The following PDE3A variants were observed in gnomAD, a reference collection of about 807,000 sequenced individuals.
The protein encoded by PDE3A is cGMP-inhibited 3',5'-cyclic phosphodiesterase 3A.
In PDE3A, 43 loss-of-function variants were observed where a neutral mutation model predicts 98.3. That is an observed-to-expected ratio of 0.44 (90% CI 0.34 to 0.56). The LOEUF (loss-of-function observed/expected upper bound fraction) is 0.56, where lower values mean the gene tolerates loss of function less well. PDE3A is among the 20% of genes least tolerant of loss of function. The pLI is 0.01. For missense variants in PDE3A, 1,427 were observed against 1,440.7 expected, an observed-to-expected ratio of 0.99 and a Z score of 0.15; for synonymous variants, 663 against 567.9, an observed-to-expected ratio of 1.17 and a Z score of -2.38.
chr12:20,658,794 C>G (rs960272747), intron 15 of PDE3A, among the ~76,000 whole-genome samples: 1 of 151,972 alleles, frequency 6.6e-6, no homozygotes, highest in Non-Finnish European at 1.5e-5. Context: ...TGTAAGACTG[C>G]AAAGCTAATT....
chr12:20,666,758 T>C (rs1945324583), intron 15 of PDE3A, among the ~76,000 whole-genome samples: 1 of 152,210 alleles, frequency 6.6e-6, no homozygotes, highest in African/African-American at 2.4e-5. Context: ...AATTATCTTT[T>C]TAATATACTA....
In PDE3A at chr12:20,554,949, C is replaced by T. The variant is rs563459515; in HGVS notation, c.961-1711C>T. 8.5e-5 allele frequency among the ~76,000 whole-genome samples: 13 copies of T among 152,260 alleles called. No homozygotes were observed. The East Asian group carries it at 2.3e-3, about 27-fold the overall frequency. ...TGCATTTTTAATGCTAAACCATTATCCCCAAATTTGGTTAAGTTTTATAAT... is the reference window on the plus strand; with the variant it reads ...TGCATTTTTAATGCTAAACCATTATTCCCAAATTTGGTTAAGTTTTATAAT... On this transcript the variant is annotated intron_variant, in intron 1 of 15. Transcript: ENST00000359062.
At chr12:20,673,615 C>T (rs1363184902) in intron 15 of PDE3A, among the ~76,000 whole-genome samples, 3 of 150,228 alleles carry the variant, frequency 2.0e-5, no homozygotes, top group Admixed American at 1.3e-4. Flanking sequence ...AAACCAAAGA[C>T]CGCATATTCT....
intron 1 of PDE3A, among the ~76,000 whole-genome samples, chr12:20,372,246 C>A (rs1943488626): frequency 6.6e-6 from 1 of 152,044 alleles, no homozygotes; most frequent in Admixed American, 6.5e-5. Flanking sequence ...TTGGAAAATG[C>A]ATAATCGCAA....
At chr12:20,414,132 T>C (rs1372220913) in intron 1 of PDE3A, among the ~76,000 whole-genome samples, 1 of 152,250 alleles carries the variant, frequency 6.6e-6, no homozygotes, top group Non-Finnish European at 1.5e-5. Context: ...TTATTGTATG[T>C]TAATATATAG....
intron 1 of PDE3A, among the ~76,000 whole-genome samples, chr12:20,385,691 A>G (rs1476453067): frequency 6.6e-6 from 1 of 151,382 alleles, no homozygotes; most frequent in African/African-American, 2.4e-5. Flanking sequence ...TCGCAAGGAC[A>G]AAAAAACAAA....
At chr12:20,458,233 C>T (rs1945186344) in intron 1 of PDE3A, among the ~76,000 whole-genome samples, 2 of 152,006 alleles carry the variant, frequency 1.3e-5, no homozygotes, top group South Asian at 2.1e-4. Flanking sequence ...TCCTGAAAGT[C>T]CTACTATTGA....
rs571561268 is a variant in PDE3A, at chr12:20,611,574, A to G, written c.1012-1869A>G. The stretch of plus-strand genomic sequence containing the variant: ...GAAAGTAATAATAGTACTTACTAAT[A>G]CTTTGTAGACTTGTGGTTAATATAT... On this transcript the variant is annotated intron_variant, in intron 2 of 15. Coordinates refer to ENST00000359062, the MANE Select transcript of PDE3A (RefSeq NM_000921.5). Among the ~76,000 whole-genome samples, 5 of 151,988 alleles carry G rather than the reference A, an allele frequency of 3.3e-5. No individual in the cohort carries two copies. In the South Asian group the frequency reaches 8.3e-4, roughly 25 times the overall value.
chr12:20,403,269 C>G (rs1817699223), intron 1 of PDE3A, among the ~76,000 whole-genome samples: 1 of 152,178 alleles, frequency 6.6e-6, no homozygotes, highest in Non-Finnish European at 1.5e-5. Flanking sequence ...ACTTTTCATG[C>G]TTTATACTAG....
rs560776428 is a variant in PDE3A, at chr12:20,459,993, C to G, written c.960+89749C>G. On this transcript the variant is annotated intron_variant, in intron 1 of 15. Coordinates refer to ENST00000359062, the MANE Select transcript of PDE3A (RefSeq NM_000921.5). ...GCTGCAATATTAAAACAGCATTGTG[C>G]CATTGTGGCATAGCAGTCTTCTAGG... Among the ~76,000 whole-genome samples the G allele has an allele frequency of 2.0e-5, 3 of 152,286 alleles. No individual in the cohort carries two copies. In the South Asian group the frequency reaches 6.2e-4, roughly 32 times the overall value.
chr12:20,398,825 A>G (rs1236300817), intron 1 of PDE3A, among the ~76,000 whole-genome samples: 1 of 152,180 alleles, frequency 6.6e-6, no homozygotes, highest in Non-Finnish European at 1.5e-5. Context: ...TAACATATAC[A>G]TAAAATTTAC....
At chr12:20,586,758 C>T (rs1249136726) in intron 2 of PDE3A, among the ~76,000 whole-genome samples, 2 of 152,152 alleles carry the variant, frequency 1.3e-5, no homozygotes, top group Admixed American at 1.3e-4. Flanking sequence ...CTTAGGTCTA[C>T]AGCAATGTAA....
intron 1 of PDE3A, among the ~76,000 whole-genome samples, chr12:20,466,151 T>G (rs758432049): frequency 2.8e-4 from 43 of 152,262 alleles, no homozygotes; most frequent in Non-Finnish European, 5.6e-4. Flanking sequence ...TCCAGTACAC[T>G]GAACCGTGTT....
rs966137696 is a variant in PDE3A at position 20,633,573 on chromosome 12, T to C, written c.1761-120T>C. 11 of 519,554 alleles carry C rather than the reference T, an allele frequency of 2.1e-5. No homozygotes were observed. The South Asian group carries it at 3.8e-4, about 18-fold the overall frequency. 32.2% of individuals were successfully genotyped at this position (519,554 alleles called of 1,614,324 possible). On this transcript the variant is annotated intron_variant, in intron 6 of 15. Transcript: ENST00000359062. ...AAAATGCATATTTTCACAAAACAAA[T>C]AAGCAGAAGGTAGAAATATTTGACT...
rs1397044576 is a variant in PDE3A, at chr12:20,552,198, G to A, written c.961-4462G>A. 4 of 1,613,822 alleles carry A rather than the reference G, an allele frequency of 2.5e-6. No individual in the cohort carries two copies. The highest frequency in any genetic ancestry group is 2.7e-5 in the African/African-American group (2 of 74,944). On this transcript the variant is annotated intron_variant, in intron 1 of 15. Transcript: ENST00000359062. The surrounding 1 kb of genome is among the most constrained non-coding windows in gnomAD (Gnocchi z 5.1). ...CCATCAATGACCAAGAAGGGGCCGA[G>A]GCCAAGGACTGGCGGTCGGGGAAGC...
In PDE3A at chr12:20,552,017, CG is replaced by C. The variant is rs918636882; in HGVS notation, c.961-4637del. 3.3e-5 allele frequency: 53 copies of C among 1,612,310 alleles called. No individual in the cohort carries two copies. The highest frequency in any genetic ancestry group is 2.1e-4 in the Middle Eastern group (1 of 4,770). The stretch of plus-strand genomic sequence containing the variant: ...GACGGAGCGTACTCCCTAGTCCTGG[CG>C]GGGGGCTACGAGGATGACGTGGACC... On this transcript the variant is annotated intron_variant, in intron 1 of 15. Coordinates refer to ENST00000359062, the MANE Select transcript of PDE3A (RefSeq NM_000921.5). This position sits in a 1 kb window ranked among gnomAD's most constrained non-coding sequence, Gnocchi z 5.1.
rs1945953957 is a variant in PDE3A at position 20,686,109 on chromosome 12, A to G, written c.*5838A>G. On this transcript the variant is annotated 3_prime_UTR_variant, in exon 16 of 16. Coordinates refer to ENST00000359062, the MANE Select transcript of PDE3A (RefSeq NM_000921.5). Reference sequence around the variant, plus strand: ...ATATTTTGATATAATAAGAACTAGTATCATATAACAGAAAACTAGAAAGAA... The same window carrying G: ...ATATTTTGATATAATAAGAACTAGTGTCATATAACAGAAAACTAGAAAGAA... Among the ~76,000 whole-genome samples the G allele has an allele frequency of 6.6e-6, 1 of 152,202 alleles. No homozygotes were observed. The highest frequency in any genetic ancestry group is 2.4e-5 in the African/African-American group (1 of 41,462).
chr12:20,663,290 C>T (rs558526569), intron 15 of PDE3A, among the ~76,000 whole-genome samples: 16 of 152,268 alleles, frequency 1.1e-4, no homozygotes, highest in Middle Eastern at 3.4e-3. Context: ...GTGGGGTTGG[C>T]GCCACCACAC....
Position 20,646,904 on chromosome 12 carries a change from A to G in PDE3A, c.2519A>G (p.His840Arg). The change falls in exon 12 of 16, where the codon CAT becomes CGT. Residue 840 changes from histidine to arginine, a missense_variant. Around this residue, in one of 3 missense-constraint regions of PDE3A, gnomAD observed 273 missense variants for 420.3 expected, o/e 0.65. Coordinates refer to ENST00000359062, the MANE Select transcript of PDE3A (RefSeq NM_000921.5). ...GCTGCAGCCATGCACGATTATGATC[A>G]TCCAGGAAGGACTAATGCTTTCCTG... ...YVAAAMHDYD[H>R]PGRTNAFLVA... The G allele has an allele frequency of 1.9e-6, 3 of 1,614,084 alleles. No individual in the cohort carries two copies. The highest frequency in any genetic ancestry group is 1.7e-6 in the Non-Finnish European group (2 of 1,179,946).
Sources: gnomAD v4.1 joint callset for allele counts (sites outside exome capture counted in the v4.1 genomes callset) on GRCh38, gnomAD v4.1.1 for gene constraint, gnomAD v4.1.1 regional missense constraint, Gnocchi (gnomAD v3.1) non-coding constraint, MANE v1.5 for transcripts, NCBI Gene and HGNC (gene_info 2026-07-23, HGNC 2026-07-21) for gene names.